ZNRF1: variants seen among roughly 807,000 people sequenced by gnomAD.
ZNRF1 encodes zinc and ring finger 1, also known as E3 ubiquitin-protein ligase ZNRF1.
A neutral mutation model predicts 18.4 loss-of-function variants in ZNRF1; 3 were observed. The observed-to-expected ratio is 0.16, with a 90% CI of 0.07 to 0.42. The LOEUF is 0.42. Among genes scored for constraint, ZNRF1 ranks in the 10% least tolerant of loss-of-function variants. The probability of loss-of-function intolerance (pLI) is 0.99; values close to 1 mark genes in which losing one functional copy is unlikely to be tolerated. For missense variants in ZNRF1, 310 were observed against 329.8 expected, an observed-to-expected ratio of 0.94 and a Z score of 0.47; for synonymous variants, 157 against 144.2, an observed-to-expected ratio of 1.09 and a Z score of -0.64.
At chr16:75,006,997 G>A (rs1383940843) in intron 1 of ZNRF1, among the ~76,000 whole-genome samples, 1 of 151,810 alleles carries the variant, frequency 6.6e-6, no homozygotes, top group African/African-American at 2.4e-5. Flanking sequence ...TTGTGGGTAT[G>A]AGTGAATAAC....
intron 1 of ZNRF1, among the ~76,000 whole-genome samples, chr16:75,060,245 G>A (rs2035725101): frequency 6.6e-6 from 1 of 151,708 alleles, no homozygotes; most frequent in African/African-American, 2.4e-5. Context: ...GTAGAGACAG[G>A]GTTTCACCAT....
At chr16:75,077,787 A>G (rs2035959887) in intron 1 of ZNRF1, among the ~76,000 whole-genome samples, 4 of 152,166 alleles carry the variant, frequency 2.6e-5, no homozygotes, top group Admixed American at 1.3e-4. Context: ...CCTGGAGGCC[A>G]CGCTTTCCTT....
At chr16:75,074,119 C>T (rs1284573773) in intron 1 of ZNRF1, among the ~76,000 whole-genome samples, 4 of 152,106 alleles carry the variant, frequency 2.6e-5, no homozygotes, top group African/African-American at 4.8e-5. Context: ...GCTCCTTCCG[C>T]GTGCATGTGT....
At chr16:75,063,804 C>T (rs1405216056) in intron 1 of ZNRF1, among the ~76,000 whole-genome samples, 2 of 152,132 alleles carry the variant, frequency 1.3e-5, no homozygotes, top group Non-Finnish European at 2.9e-5. Flanking sequence ...ACTCCAGGCA[C>T]AGTGCAGTCG....
At chr16:75,060,678 T>A (rs1006354239) in intron 1 of ZNRF1, among the ~76,000 whole-genome samples, 2 of 151,858 alleles carry the variant, frequency 1.3e-5, no homozygotes, top group Non-Finnish European at 2.9e-5. Context: ...GGTTTTGCCA[T>A]GTTGGCCAGG....
intron 1 of ZNRF1, among the ~76,000 whole-genome samples, chr16:75,088,079 G>A (rs1204774818): frequency 6.6e-6 from 1 of 152,220 alleles, no homozygotes; most frequent in Non-Finnish European, 1.5e-5. Flanking sequence ...TTGTTTTGGA[G>A]GGCTGATTTT....
chr16:75,093,209 A>G (rs1377848634), intron 1 of ZNRF1, among the ~76,000 whole-genome samples: 1 of 152,044 alleles, frequency 6.6e-6, no homozygotes, highest in Non-Finnish European at 1.5e-5. Context: ...CCATAGTGAA[A>G]CCCCCTCTCT....
chr16:75,000,277 C>G (rs1042883586), intron 1 of ZNRF1, 182 bp downstream of exon 1: 5 of 948,030 alleles, frequency 5.3e-6, no homozygotes, highest in Non-Finnish European at 8.2e-6. Flanking sequence ...TTCTGCGAGG[C>G]TGCGGAGCCT....
intron 1 of ZNRF1, among the ~76,000 whole-genome samples, chr16:75,020,248 C>T (rs1217340058): frequency 6.6e-6 from 1 of 152,000 alleles, no homozygotes; most frequent in African/African-American, 2.4e-5. Flanking sequence ...TATTTGCCTG[C>T]TACATCTTTT....
At chr16:75,000,510 A>T (rs1055127786) in intron 1 of ZNRF1, 7 of 333,996 alleles carry the variant, frequency 2.1e-5, no homozygotes, top group Non-Finnish European at 4.1e-5. Flanking sequence ...TCCTAAACAG[A>T]GTGTGTGAAA....
intron 1 of ZNRF1, among the ~76,000 whole-genome samples, chr16:75,024,058 C>T (rs1409148985): frequency 1.3e-5 from 2 of 151,810 alleles, no homozygotes; most frequent in Non-Finnish European, 2.9e-5. Flanking sequence ...TTAGTAGAAA[C>T]GGGGTTTCAC....
At chr16:75,078,563 T>G (rs750933055) in intron 1 of ZNRF1, among the ~76,000 whole-genome samples, 1 of 152,128 alleles carries the variant, frequency 6.6e-6, no homozygotes, top group Non-Finnish European at 1.5e-5. Flanking sequence ...CCTCCCAAAG[T>G]GCTGGGATTA....
intron 1 of ZNRF1, among the ~76,000 whole-genome samples, chr16:75,027,584 A>T (rs183442637): frequency 4.3e-4 from 65 of 152,220 alleles, no homozygotes; most frequent in Admixed American, 4.6e-4. Context: ...TCACGCCCTC[A>T]TGCCTGTACT....
At chr16:75,084,134 TA>T (rs1223918246) in intron 1 of ZNRF1, among the ~76,000 whole-genome samples, 9 of 152,206 alleles carry the variant, frequency 5.9e-5, no homozygotes, top group Admixed American at 1.3e-4. Flanking sequence ...CCCTGGCCCT[TA>T]AAGTCCGCTT....
chr16:75,093,955 G>A (rs1210669240), intron 2 of ZNRF1, among the ~76,000 whole-genome samples: 4 of 152,340 alleles, frequency 2.6e-5, no homozygotes, highest in South Asian at 4.1e-4. Flanking sequence ...ACTCAGTTCT[G>A]AGGACTTTGG....
chr16:75,106,685 A>G, intron 4 of ZNRF1, 114 bp downstream of exon 4: 1 of 738,982 alleles, frequency 1.4e-6, no homozygotes, highest in South Asian at 1.6e-5. Flanking sequence ...AAGCAGGAGC[A>G]GAGGGAAGGA....
intron 1 of ZNRF1, among the ~76,000 whole-genome samples, chr16:75,075,466 T>A (rs2035928156): frequency 6.6e-6 from 1 of 152,236 alleles, no homozygotes; most frequent in South Asian, 2.1e-4. Flanking sequence ...CTCGCTGTGG[T>A]ATGGCAGTTA....
intron 1 of ZNRF1, among the ~76,000 whole-genome samples, chr16:75,067,102 T>A (rs1373488280): frequency 6.6e-6 from 1 of 152,196 alleles, no homozygotes; most frequent in Non-Finnish European, 1.5e-5. Flanking sequence ...AGTTTGGGGC[T>A]GGGACAGCTG....
chr16:75,013,101 A>G (rs2035020538), intron 1 of ZNRF1, among the ~76,000 whole-genome samples: 1 of 152,174 alleles, frequency 6.6e-6, no homozygotes, highest in African/African-American at 2.4e-5. Context: ...AGCAATTAGG[A>G]ACCTCTGTTC....
Sources: gnomAD v4.1 joint callset for allele counts (sites outside exome capture counted in the v4.1 genomes callset) on GRCh38, gnomAD v4.1.1 for gene constraint, MANE v1.5 for transcripts, NCBI Gene and HGNC (gene_info 2026-07-23, HGNC 2026-07-21) for gene names.